The following GMNC variants were observed in gnomAD, a reference collection of about 807,000 sequenced individuals.
GMNC encodes geminin coiled-coil domain-containing protein 1.
GMNC carries 16 observed loss-of-function variants against 33.6 expected under a neutral mutation model. That is an observed-to-expected ratio of 0.48 (90% CI 0.32 to 0.72). GMNC has a LOEUF of 0.72. GMNC is among the 30% of genes least tolerant of loss of function. The pLI, the probability that GMNC is intolerant of heterozygous loss-of-function variation, is 0.03. For synonymous variants in GMNC, 156 were observed against 147.3 expected, an observed-to-expected ratio of 1.06 and a Z score of -0.43; for missense variants, 393 against 388.9, an observed-to-expected ratio of 1.01 and a Z score of -0.09.
At chr3:190,844,200 A>G in the GMNC span, among the ~76,000 whole-genome samples, 1 of 152,062 alleles carries the variant, frequency 6.6e-6, no homozygotes, top group Non-Finnish European at 1.5e-5. Flanking sequence ...ACTTCTGGTA[A>G]TTACCTTTGC....
At chr3:190,856,870 TA>T (rs1219567836) in intron 4 of GMNC, among the ~76,000 whole-genome samples, 6 of 151,852 alleles carry the variant, frequency 4.0e-5, no homozygotes, top group African/African-American at 1.5e-4. Flanking sequence ...AGTGTCCTTT[TA>T]TGGAATGGTG....
the GMNC span, among the ~76,000 whole-genome samples, chr3:190,847,524 A>G: frequency 6.6e-6 from 1 of 152,206 alleles, no homozygotes; most frequent in East Asian, 1.9e-4. Context: ...GCTTCTGCTG[A>G]ACTTCTGCAG....
rs778734746 is a variant in GMNC, at chr3:190,855,866, T to G, written c.434A>C (p.Lys145Thr). Residue 145 changes from lysine to threonine, a missense_variant, in exon 5 of 5, where the codon AAG (lysine) becomes ACG (threonine). Lys to Thr is a moderately conservative substitution (Grantham distance 78). Transcript: ENST00000442080. The part of the protein sequence containing the change: ...EFSKAYGKFR[K>T]GKRKSKEQRY... ...TTGCTCTTTGGATTTTCTCTTCCCC[T>G]TCCTGAATTTTCCATATGCTTTGGA... The G allele has an allele frequency of 1.4e-5, 21 of 1,550,680 alleles. No individual in the cohort carries two copies. The East Asian group carries it at 5.1e-4, about 38-fold the overall frequency.
rs772043289 is a variant in GMNC at position 190,861,005 on chromosome 3, A to G, written c.4-147T>C. 1.2e-5 allele frequency: 7 copies of G among 564,218 alleles called. No homozygotes were observed. Among genetic ancestry groups the G allele is most frequent in the Non-Finnish European group, 2.1e-5 (7 of 331,190 alleles). 35.0% of individuals were successfully genotyped at this position (564,218 alleles called of 1,614,324 possible). A position where few individuals can be genotyped will look rare whatever the true frequency, so the allele number is the denominator to read the frequency against. ...CAGAAAAGGTGTTAAGTATAGATCC[A>G]TATTAATTTTGGGGTGGTCAAATTA... On this transcript the variant is annotated intron_variant, in intron 1 of 4. Transcript: ENST00000442080. The surrounding 1 kb of genome is among the most constrained non-coding windows in gnomAD (Gnocchi z 5.1).
rs1452495932 is a variant in GMNC, at chr3:190,861,650, G to A, written c.4-792C>T. On this transcript the variant is annotated intron_variant, in intron 1 of 4. Transcript: ENST00000442080. The surrounding 1 kb of genome is among the most constrained non-coding windows in gnomAD (Gnocchi z 5.1). ...AGCTCTAGTTCTGTCCATCACTAGG[G>A]CTCAGTGCCCCTCCAAAGTTATCTT... is the stretch of plus-strand genomic sequence containing the variant. 6.6e-6 allele frequency among the ~76,000 whole-genome samples: 1 copy of A among 152,170 alleles called. No homozygotes were observed. The highest frequency in any genetic ancestry group is 1.9e-4 in the East Asian group (1 of 5,184).
chr3:190,844,970 G>A, the GMNC span, among the ~76,000 whole-genome samples: 1 of 151,760 alleles, frequency 6.6e-6, no homozygotes, highest in Non-Finnish European at 1.5e-5. Context: ...TATGATCCGT[G>A]GATAAAATGA....
downstream of GMNC, among the ~76,000 whole-genome samples, chr3:190,849,526 C>A (rs994695347): frequency 6.6e-6 from 1 of 152,236 alleles, no homozygotes; most frequent in Admixed American, 6.5e-5. Context: ...GTCAACTTCA[C>A]AGCAACTGGA....
In GMNC at chr3:190,853,783, G is replaced by A. The variant is rs556304979; in HGVS notation, c.*1512C>T. ...TGTGCAAATTATTCTGGGAATGATA[G>A]GGGTCTTGAGAGATGGGAAAGAAGA... On this transcript the variant is annotated 3_prime_UTR_variant, in exon 5 of 5. Coordinates refer to ENST00000442080, the MANE Select transcript of GMNC (RefSeq NM_001146686.3). 6.6e-6 allele frequency: 1 copy of A among 152,260 alleles called. No homozygotes were observed. The highest frequency in any genetic ancestry group is 1.9e-4 in the East Asian group (1 of 5,192). The allele number at this position is 152,260 out of a possible 1,614,324, so 9.4% of individuals were successfully genotyped here.
rs577713642 is a variant in GMNC at position 190,856,565 on chromosome 3, C to G, written c.385-650G>C. On this transcript the variant is annotated intron_variant, in intron 4 of 4. Coordinates refer to ENST00000442080, the MANE Select transcript of GMNC (RefSeq NM_001146686.3). ...CTATCATTTACTACAATTTATAAAG[C>G]ACTGATTACATGTATTATCTCATTG... Among the ~76,000 whole-genome samples the G allele has an allele frequency of 7.9e-4, 114 of 144,104 alleles. 1 individual carries two copies. Among genetic ancestry groups the G allele is most frequent in the Non-Finnish European group, 1.2e-3 (81 of 65,828 alleles). The allele number at this position is 144,104 out of a possible 152,430, so 94.5% of individuals were successfully genotyped here. A position where few individuals can be genotyped will look rare whatever the true frequency, so the allele number is the denominator to read the frequency against.
rs1560038926 is a variant in GMNC at position 190,861,738 on chromosome 3, C to T, written c.3+875G>A. ...CCAGTGAACACTCTCCTGCCTTCCA[C>T]TTCTTGAACCTCAAACACACAGTCT... On this transcript the variant is annotated intron_variant, in intron 1 of 4. Transcript: ENST00000442080. The surrounding 1 kb of genome is among the most constrained non-coding windows in gnomAD (Gnocchi z 5.1). Among the ~76,000 whole-genome samples, 1 of 152,162 alleles carries T rather than the reference C, an allele frequency of 6.6e-6. No homozygotes were observed. Among genetic ancestry groups the T allele is most frequent in the Non-Finnish European group, 1.5e-5 (1 of 68,036 alleles).
chr3:190,859,007 C>T lies in GMNC; in HGVS notation c.188G>A (p.Ser63Asn). ...GTCCGGAAGAGGAAAATTTGAGTCA[C>T]TGAATGATTCTGTGAAAATACAAAT... is the stretch of plus-strand genomic sequence containing the variant. ...QQAPQAQESF[S>N]DSNFPLPDLC... Residue 63 changes from serine to asparagine, a missense_variant, in exon 3 of 5, where the codon AGT (serine) becomes AAT (asparagine). Ser to Asn is a conservative substitution (Grantham distance 46). Coordinates refer to ENST00000442080, the MANE Select transcript of GMNC (RefSeq NM_001146686.3). 1 of 1,540,446 alleles carries T rather than the reference C, an allele frequency of 6.5e-7. No homozygotes were observed. The highest frequency in any genetic ancestry group is 2.0e-5 in the Admixed American group (1 of 50,936).
At chr3:190,859,623 C>T (rs1737818611) in intron 2 of GMNC, 1 of 201,728 alleles carries the variant, frequency 5.0e-6, no homozygotes, top group African/African-American at 2.3e-5. Context: ...GTGCCCAGAC[C>T]TTATCTGTTT....
chr3:190,855,334 C>T lies in GMNC; in HGVS notation c.966G>A (p.Glu322=). Residue 322 remains glutamate, a synonymous_variant, in exon 5 of 5, where the codon GAG becomes GAA. Coordinates refer to ENST00000442080, the MANE Select transcript of GMNC (RefSeq NM_001146686.3). The part of the protein sequence containing the change: ...QGQAFVRRDE[E]GGWKFTWVPK... Reference sequence around the variant, plus strand: ...GGACCCAGGTAAACTTCCAGCCTCCCTCCTCATCTCGACGCACAAAGGCTT... The same window carrying T: ...GGACCCAGGTAAACTTCCAGCCTCCTTCCTCATCTCGACGCACAAAGGCTT... 6.4e-7 allele frequency: 1 copy of T among 1,551,642 alleles called. No individual in the cohort carries two copies. The highest frequency in any genetic ancestry group is 1.2e-5 in the South Asian group (1 of 84,046).
the GMNC span, among the ~76,000 whole-genome samples, chr3:190,845,589 A>C: frequency 7.0e-6 from 1 of 143,286 alleles, no homozygotes; most frequent in Non-Finnish European, 1.5e-5. Context: ...TGCTCACTGC[A>C]ACCTCCGCTT....
rs13075089 is a variant in GMNC at position 190,860,777 on chromosome 3, A to G, written c.85T>C (p.Ser29Pro). ...GTCTCCGTGGAAACGTCAACACTAG[A>G]TTCTGACGTTGTAGTGGAATACGGG... ...NCPYSTTTSE[S>P]SVDVSTETWV... Residue 29 changes from serine (S) to proline (P), a missense_variant, in exon 2 of 5, where the codon TCT becomes CCT. Ser to Pro is a moderately conservative substitution (Grantham distance 74). Transcript: ENST00000442080. 0.4 allele frequency: 614,752 copies of G among 1,549,998 alleles called. 123,516 individuals carry two copies. Among genetic ancestry groups the G allele is most frequent in the South Asian group, 0.51 (43,148 of 83,928 alleles).
At chr3:190,852,501 G>C (rs542179335), downstream of GMNC, among the ~76,000 whole-genome samples, 1 of 152,154 alleles carries the variant, frequency 6.6e-6, no homozygotes, top group South Asian at 2.1e-4. Context: ...AGAGGACATT[G>C]GAAAATTTAA....
At position 190,856,378 on chromosome 3, in the gene GMNC, GATATATTTATAAATATTT is replaced by G. The variant is rs1481814213; in HGVS notation, c.385-481_385-464del. Among the ~76,000 whole-genome samples the G allele has an allele frequency of 2.8e-4, 37 of 132,072 alleles. 1 individual carries two copies. In the South Asian group the frequency reaches 7.1e-3, roughly 25 times the overall value. 86.6% of individuals were successfully genotyped at this position (132,072 alleles called of 152,430 possible). ...ATATATTTATAAATATTTAGAAATA[GATATATTTATAAATATTT>G]ATATATTTATAAATATATTAATAAA... On this transcript the variant is annotated intron_variant, in intron 4 of 4. Coordinates refer to ENST00000442080, the MANE Select transcript of GMNC (RefSeq NM_001146686.3).
At chr3:190,856,368 T>C (rs1179006175) in intron 4 of GMNC, among the ~76,000 whole-genome samples, 1 of 138,968 alleles carries the variant, frequency 7.2e-6, no homozygotes, top group East Asian at 2.0e-4. Context: ...TTTATAAATA[T>C]TTAGAAATAG....
At chr3:190,855,941 T>C (rs1241656144) in intron 4 of GMNC, 26 bp from the exon 5 acceptor site, 2 of 1,487,796 alleles carry the variant, frequency 1.3e-6, no homozygotes, top group South Asian at 1.3e-5. Context: ...TTGAAAGTTA[T>C]ACTTTTTTCA....
Sources: gnomAD v4.1 joint callset for allele counts (sites outside exome capture counted in the v4.1 genomes callset) on GRCh38, gnomAD v4.1.1 for gene constraint, Gnocchi (gnomAD v3.1) non-coding constraint, MANE v1.5 for transcripts, NCBI Gene and HGNC (gene_info 2026-07-23, HGNC 2026-07-21) for gene names.